OLFM3: variants seen among roughly 807,000 people sequenced by gnomAD.
The protein encoded by OLFM3 is noelin-3.
A neutral mutation model predicts 48.6 loss-of-function variants in OLFM3; 20 were observed. That is an observed-to-expected ratio of 0.41 (90% CI 0.29 to 0.60). OLFM3 has a LOEUF of 0.60. Ranked by LOEUF, OLFM3 falls within the 20% of genes least tolerant of loss-of-function variation. OLFM3 has a pLI of 0.28. For synonymous variants in OLFM3, 222 were observed against 198.1 expected (o/e 1.12, Z -1.01); for missense variants, 437 against 544.3 (o/e 0.80, Z 1.96).
intron 1 of OLFM3, among the ~76,000 whole-genome samples, chr1:101,862,316 G>A (rs145295866): frequency 2.6e-5 from 4 of 152,288 alleles, no homozygotes; most frequent in African/African-American, 9.6e-5. Context: ...AGAACAAAGT[G>A]TCTCAGTGTT....
chr1:101,979,975 C>G (rs1661063126), intron 1 of OLFM3, among the ~76,000 whole-genome samples: 1 of 152,090 alleles, frequency 6.6e-6, no homozygotes, highest in Admixed American at 6.5e-5. Context: ...GACAGGGAGT[C>G]AAAGGAGATT....
chr1:101,836,972 A>G lies in OLFM3; in HGVS notation c.123T>C (p.Pro41=), dbSNP rs138182265. 9.9e-6 allele frequency: 16 copies of G among 1,614,016 alleles called. No individual in the cohort carries two copies. The highest frequency in any genetic ancestry group is 8.3e-5 in the Admixed American group (5 of 60,000). ...GWQVYSSAQD[P]DGRCICTVVA... is the part of the protein sequence containing the mutation. ...CAACTGTGCAAATGCACCGCCCATC[A>G]GGATCCTGAGCTGAGCTGTACACCT... The change falls in exon 2 of 6, where the codon CCT becomes CCC. Residue 41 remains proline, a synonymous_variant. Coordinates refer to ENST00000370103, the MANE Select transcript of OLFM3 (RefSeq NM_058170.4).
intron 1 of OLFM3, among the ~76,000 whole-genome samples, chr1:101,853,560 T>A (rs1214619080): frequency 6.6e-6 from 1 of 152,066 alleles, no homozygotes; most frequent in African/African-American, 2.4e-5. Context: ...TTTACTGGGG[T>A]ATTCTTAGCC....
At chr1:101,826,795 T>C (rs1307252734) in intron 3 of OLFM3, among the ~76,000 whole-genome samples, 3 of 152,190 alleles carry the variant, frequency 2.0e-5, no homozygotes, top group African/African-American at 4.8e-5. Flanking sequence ...TACACAATTG[T>C]TTCATTAGGA....
At chr1:101,953,215 T>A (rs1163457617) in intron 1 of OLFM3, among the ~76,000 whole-genome samples, 1 of 152,168 alleles carries the variant, frequency 6.6e-6, no homozygotes, top group African/African-American at 2.4e-5. Flanking sequence ...TATGTCAAAT[T>A]ACATATATGG....
intron 1 of OLFM3, among the ~76,000 whole-genome samples, chr1:101,914,912 T>G (rs1472407271): frequency 6.6e-6 from 1 of 152,204 alleles, no homozygotes; most frequent in Non-Finnish European, 1.5e-5. Context: ...GCTTGACAGT[T>G]TGGCTAATGT....
intron 1 of OLFM3, among the ~76,000 whole-genome samples, chr1:101,923,059 C>T (rs184061306): frequency 8.5e-5 from 13 of 152,310 alleles, no homozygotes. Flanking sequence ...GGCAGTCTGA[C>T]TACAGGGCCC....
chr1:101,969,171 A>T (rs1660706196), intron 1 of OLFM3, among the ~76,000 whole-genome samples: 1 of 152,148 alleles, frequency 6.6e-6, no homozygotes, highest in African/African-American at 2.4e-5. Flanking sequence ...TTTTTGAGAC[A>T]AGGTCTCCCT....
chr1:101,960,773 T>G (rs2101083220), intron 1 of OLFM3, among the ~76,000 whole-genome samples: 1 of 152,232 alleles, frequency 6.6e-6, no homozygotes, highest in African/African-American at 2.4e-5. Flanking sequence ...AGGATTAGAG[T>G]TAACTAGAAC....
At chr1:101,847,666 C>G (rs1378407868) in intron 1 of OLFM3, among the ~76,000 whole-genome samples, 1 of 152,106 alleles carries the variant, frequency 6.6e-6, no homozygotes, top group Non-Finnish European at 1.5e-5. Flanking sequence ...AAAAGACAGC[C>G]TTGCAGAAAA....
chr1:101,980,314 TG>T (rs1661073959), intron 1 of OLFM3, among the ~76,000 whole-genome samples: 1 of 152,052 alleles, frequency 6.6e-6, no homozygotes, highest in Non-Finnish European at 1.5e-5. Flanking sequence ...TGGAATGATA[TG>T]GTTTGGCTCT....
At chr1:101,977,600 T>G (rs897663128) in intron 1 of OLFM3, among the ~76,000 whole-genome samples, 1 of 152,084 alleles carries the variant, frequency 6.6e-6, no homozygotes, top group Non-Finnish European at 1.5e-5. Context: ...ATACCAGAAG[T>G]GATGTTGAAA....
At chr1:101,993,873 A>G (rs1661482307) in intron 1 of OLFM3, among the ~76,000 whole-genome samples, 1 of 151,832 alleles carries the variant, frequency 6.6e-6, no homozygotes, top group African/African-American at 2.4e-5. Context: ...ACTGACTTTC[A>G]AGTAACTTAT....
intron 1 of OLFM3, among the ~76,000 whole-genome samples, chr1:101,918,267 C>T (rs571730363): frequency 2.8e-4 from 43 of 152,264 alleles, no homozygotes; most frequent in African/African-American, 9.4e-4. Context: ...TGTGTTAGTT[C>T]TCTATCGCTC....
At chr1:101,942,986 A>G (rs1177046982) in intron 1 of OLFM3, among the ~76,000 whole-genome samples, 2 of 152,148 alleles carry the variant, frequency 1.3e-5, no homozygotes, top group African/African-American at 2.4e-5. Flanking sequence ...CTGAGCTCAG[A>G]TGCATACAGG....
At position 101,825,174 on chromosome 1, in the gene OLFM3, C is replaced by T. The variant is rs1251375005; in HGVS notation, c.444G>A (p.Lys148=). The change falls in exon 4 of 6, where the codon AAG becomes AAA. Residue 148 remains lysine, a synonymous_variant. Transcript: ENST00000370103. The part of the protein sequence containing the change: ...PVLEQYKTDA[K]LITQFKEEIR... ...TTTCCTCCTTGAACTGGGTGATTAA[C>T]TTAGCATCTGTTTTGTACTGTTCCA... 3.7e-6 allele frequency: 6 copies of T among 1,613,898 alleles called. No individual in the cohort carries two copies. Among genetic ancestry groups the T allele is most frequent in the Non-Finnish European group, 5.1e-6 (6 of 1,179,966 alleles).
At chr1:101,838,457 G>C (rs1010293999) in intron 1 of OLFM3, among the ~76,000 whole-genome samples, 2 of 152,116 alleles carry the variant, frequency 1.3e-5, no homozygotes, top group Non-Finnish European at 2.9e-5. Context: ...TCATTTTTCA[G>C]CAAGAACATC....
At chr1:101,908,246 G>C (rs1658618702) in intron 1 of OLFM3, among the ~76,000 whole-genome samples, 1 of 152,180 alleles carries the variant, frequency 6.6e-6, no homozygotes, top group Non-Finnish European at 1.5e-5. Flanking sequence ...CTTAGTAAGA[G>C]GAATTAAATC....
intron 1 of OLFM3, among the ~76,000 whole-genome samples, chr1:101,939,153 C>G (rs913187385): frequency 2.6e-4 from 39 of 152,250 alleles, no homozygotes; most frequent in African/African-American, 9.4e-4. Flanking sequence ...GTGCTACAGA[C>G]AGGTGAAGAG....
Sources: allele counts gnomAD v4.1 joint callset (sites outside exome capture counted in the v4.1 genomes callset), GRCh38; gene constraint gnomAD v4.1.1; transcripts MANE v1.5; gene names NCBI Gene and HGNC (gene_info 2026-07-23, HGNC 2026-07-21).